Variants in TNS3 observed in about 807,000 individuals in gnomAD.
The protein encoded by TNS3 is tensin-3.
TNS3 carries 45 observed loss-of-function variants against 140.9 expected under a neutral mutation model. The ratio of observed to expected loss-of-function variants is 0.32; its 90% CI spans 0.25 to 0.41. TNS3 has a LOEUF of 0.41. TNS3 is among the 10% of genes least tolerant of loss of function. TNS3 has a pLI of 1.00. For synonymous variants in TNS3, 815 were observed against 788.4 expected (o/e 1.03, Z -0.56); for missense variants, 1,716 against 1,906.7 (o/e 0.90, Z 1.86).
intron 16 of TNS3, among the ~76,000 whole-genome samples, chr7:47,396,049 A>T (rs1792810834): frequency 1.3e-5 from 2 of 152,202 alleles, no homozygotes; most frequent in Admixed American, 6.5e-5. Context: ...GCTATTTTAC[A>T]TCTGGATGTA....
intron 1 of TNS3, among the ~76,000 whole-genome samples, chr7:47,552,238 G>A (rs1800083508): frequency 6.6e-6 from 1 of 152,140 alleles, no homozygotes; most frequent in Non-Finnish European, 1.5e-5. Context: ...GCCAAGCCAG[G>A]AAGCCGTCTA....
chr7:47,429,735 A>G (rs1308613166), intron 8 of TNS3, among the ~76,000 whole-genome samples: 1 of 152,184 alleles, frequency 6.6e-6, no homozygotes, highest in African/African-American at 2.4e-5. Context: ...TAAAGCCAAA[A>G]AGGCAGGGCC....
chr7:47,433,533 A>G (rs1795026272), intron 8 of TNS3, among the ~76,000 whole-genome samples: 1 of 152,230 alleles, frequency 6.6e-6, no homozygotes, highest in African/African-American at 2.4e-5. Flanking sequence ...TGTTTTAAAT[A>G]ATCTCATCAT....
At chr7:47,574,329 G>A (rs761460734) in intron 1 of TNS3, among the ~76,000 whole-genome samples, 5 of 151,886 alleles carry the variant, frequency 3.3e-5, no homozygotes. Context: ...AGCTTGGTAA[G>A]AAGTCTCCCT....
intron 20 of TNS3, among the ~76,000 whole-genome samples, chr7:47,313,890 C>T (rs1156572790): frequency 1.6e-4 from 24 of 152,220 alleles, no homozygotes; most frequent in Non-Finnish European, 1.5e-5. Context: ...AACTCTGGGG[C>T]ACTCTGGCTG....
At chr7:47,391,182 C>A (rs117820893) in intron 16 of TNS3, among the ~76,000 whole-genome samples, 1,836 of 152,316 alleles carry the variant, frequency 0.012, 20 homozygotes, top group Non-Finnish European at 0.019. Flanking sequence ...TCCCTACCTG[C>A]AAGGGCTGTC....
intron 16 of TNS3, among the ~76,000 whole-genome samples, chr7:47,375,386 C>G (rs1405212906): frequency 1.3e-5 from 2 of 152,194 alleles, no homozygotes. Context: ...ATCCAACAAA[C>G]ATAAATACAG....
At chr7:47,459,896 C>T (rs970001269) in intron 4 of TNS3, among the ~76,000 whole-genome samples, 6 of 152,066 alleles carry the variant, frequency 3.9e-5, no homozygotes, top group Non-Finnish European at 5.9e-5. Flanking sequence ...TCCTAGTGCC[C>T]AGGACCTCAG....
chr7:47,381,291 G>C (rs563846771), intron 16 of TNS3, among the ~76,000 whole-genome samples: 1 of 152,184 alleles, frequency 6.6e-6, no homozygotes, highest in Non-Finnish European at 1.5e-5. Flanking sequence ...TCTTTTGTGC[G>C]GGATGTGGCT....
intron 16 of TNS3, among the ~76,000 whole-genome samples, chr7:47,391,972 C>G (rs150016204): frequency 6.6e-6 from 1 of 152,210 alleles, no homozygotes; most frequent in Non-Finnish European, 1.5e-5. Flanking sequence ...CGACAGTGTA[C>G]GCCAGAAGGC....
At chr7:47,511,948 G>A (rs374608328) in intron 2 of TNS3, among the ~76,000 whole-genome samples, 3 of 152,222 alleles carry the variant, frequency 2.0e-5, no homozygotes, top group Admixed American at 6.5e-5. Context: ...TGGCTGCCAC[G>A]GTGCCTTCCA....
At chr7:47,465,271 T>TA (rs1248747616) in intron 4 of TNS3, among the ~76,000 whole-genome samples, 1 of 152,212 alleles carries the variant, frequency 6.6e-6, no homozygotes. Flanking sequence ...CACCCAGATG[T>TA]CAACGGCTCA....
At chr7:47,569,837 G>A (rs1800513017) in intron 1 of TNS3, among the ~76,000 whole-genome samples, 1 of 146,838 alleles carries the variant, frequency 6.8e-6, no homozygotes, top group Admixed American at 6.8e-5. Flanking sequence ...CTGGGTGACA[G>A]AACAAGACTC....
intron 11 of TNS3, 148 bp from the exon 12 acceptor site, chr7:47,414,145 G>T: frequency 1.3e-6 from 1 of 785,930 alleles, no homozygotes; most frequent in Non-Finnish European, 2.1e-6. Context: ...TGGAGCCACA[G>T]GGTTGCTGCA....
intron 4 of TNS3, among the ~76,000 whole-genome samples, chr7:47,469,951 G>A (rs531312426): frequency 9.4e-6 from 1 of 105,882 alleles, no homozygotes; most frequent in South Asian, 3.2e-4. Flanking sequence ...TCCAGCCTGG[G>A]CAACAGAATG....
chr7:47,416,860 G>A (rs17626664), intron 10 of TNS3, among the ~76,000 whole-genome samples: 6,014 of 152,282 alleles, frequency 0.039, 172 homozygotes, highest in Non-Finnish European at 0.06. Context: ...ACAAATGCCC[G>A]GATTGAGAGG....
chr7:47,305,801 G>C (rs1235565065), intron 20 of TNS3, among the ~76,000 whole-genome samples: 1 of 152,080 alleles, frequency 6.6e-6, no homozygotes, highest in Non-Finnish European at 1.5e-5. Context: ...TTTAAACCAG[G>C]CTTCAAGAAA....
Position 47,344,775 on chromosome 7 carries a change from C to G in TNS3, c.2630G>C (p.Ser877Thr), listed in dbSNP as rs530954468. The G allele has an allele frequency of 1.2e-6, 2 of 1,612,950 alleles. No individual in the cohort carries two copies. The highest frequency in any genetic ancestry group is 4.5e-5 in the East Asian group (2 of 44,886). The change falls in exon 20 of 31, where the codon AGT becomes ACT. Residue 877 changes from serine to threonine, a missense_variant. Around this residue, in one of 3 missense-constraint regions of TNS3, gnomAD observed 1,163 missense variants for 1,182.1 expected, o/e 0.98. Transcript: ENST00000311160. ...CTTACCACGTCCTCCTTTGTGCTGA[C>G]TGGCTGGGCTGCTCAGCGGGGGCTC... Reference protein sequence around the residue: ...PPEPPLSSPASQHKGGREPRS... With the variant: ...PPEPPLSSPATQHKGGREPRS...
rs917030562 is a variant in TNS3, at chr7:47,275,211, A to G, written c.*2865T>C. ...TAGAGATGATATTTAAGGAGCAGAGAAAATGACTATACAAAAGATTTATAG... is the reference window on the plus strand; with the variant it reads ...TAGAGATGATATTTAAGGAGCAGAGGAAATGACTATACAAAAGATTTATAG... On this transcript the variant is annotated 3_prime_UTR_variant, in exon 31 of 31. Coordinates refer to ENST00000311160, the MANE Select transcript of TNS3 (RefSeq NM_022748.12). 6.5e-6 allele frequency: 1 copy of G among 152,682 alleles called. No homozygotes were observed. The allele number at this position is 152,682 out of a possible 1,614,324, so 9.5% of individuals were successfully genotyped here. A position where few individuals can be genotyped will look rare whatever the true frequency, so the allele number is the denominator to read the frequency against.
Sources: allele counts gnomAD v4.1 joint callset (sites outside exome capture counted in the v4.1 genomes callset), GRCh38; gene constraint gnomAD v4.1.1; regional missense constraint gnomAD v4.1.1; transcripts MANE v1.5; gene names NCBI Gene and HGNC (gene_info 2026-07-23, HGNC 2026-07-21).